MTA3: variants seen among roughly 807,000 people sequenced by gnomAD.
MTA3 encodes the protein metastasis-associated protein MTA3.
A neutral mutation model predicts 83.5 loss-of-function variants in MTA3; 34 were observed. The observed-to-expected ratio is 0.41, with a 90% CI of 0.31 to 0.54. MTA3 has a LOEUF of 0.54. Among genes scored for constraint, MTA3 ranks in the 20% least tolerant of loss-of-function variants. MTA3 has a pLI of 0.33. For missense variants in MTA3, 761 were observed against 726.4 expected, an observed-to-expected ratio of 1.05 and a Z score of -0.55; for synonymous variants, 303 against 252.7, an observed-to-expected ratio of 1.20 and a Z score of -1.89.
intron 16 of MTA3, among the ~76,000 whole-genome samples, chr2:42,749,650 G>T (rs113830106): frequency 0.011 from 1,670 of 151,866 alleles, 26 homozygotes; most frequent in African/African-American, 0.038. Context: ...GTAGTTTTAG[G>T]AGAGACAGGG....
At chr2:42,592,373 C>G (rs756348239) in intron 3 of MTA3, among the ~76,000 whole-genome samples, 1 of 152,086 alleles carries the variant, frequency 6.6e-6, no homozygotes, top group African/African-American at 2.4e-5. Flanking sequence ...CACTTGAGCT[C>G]AGGAGTTTAA....
intron 8 of MTA3, among the ~76,000 whole-genome samples, chr2:42,672,594 G>A (rs1690917202): frequency 1.5e-5 from 2 of 130,082 alleles, no homozygotes; most frequent in South Asian, 2.5e-4. Context: ...GCGGTGAGCC[G>A]AGATCGTGCC....
chr2:42,494,274 G>C (rs1359971035), upstream of MTA3, among the ~76,000 whole-genome samples: 1 of 152,112 alleles, frequency 6.6e-6, no homozygotes, highest in Admixed American at 6.5e-5. Context: ...GCGCCGGGAT[G>C]CCTGCTCCCG....
chr2:42,724,278 AC>A (rs1386026289), intron 16 of MTA3, among the ~76,000 whole-genome samples: 2 of 51,348 alleles, frequency 3.9e-5, no homozygotes, highest in East Asian at 9.9e-4. Flanking sequence ...GTCCTGAAAA[AC>A]ACACACACAC....
chr2:42,674,058 A>G (rs1354123777), intron 8 of MTA3, among the ~76,000 whole-genome samples: 1 of 152,250 alleles, frequency 6.6e-6, no homozygotes, highest in Non-Finnish European at 1.5e-5. Context: ...GTAGGTGCCA[A>G]GCTATAGGTT....
At chr2:42,629,315 GTGATTCACC>G (rs1686443622) in intron 4 of MTA3, among the ~76,000 whole-genome samples, 1 of 152,136 alleles carries the variant, frequency 6.6e-6, no homozygotes, top group South Asian at 2.1e-4. Flanking sequence ...TCCTGACCTT[GTGATTCACC>G]TGCCTCGGCC....
At chr2:42,657,767 A>T (rs1268550605) in intron 7 of MTA3, among the ~76,000 whole-genome samples, 61 of 12,022 alleles carry the variant, frequency 5.1e-3, no homozygotes, top group African/African-American at 0.026. Context: ...ATCTCTTAAA[A>T]AAAAAAAAAA....
intron 6 of MTA3, among the ~76,000 whole-genome samples, chr2:42,654,394 C>T (rs10195899): frequency 0.75 from 113,952 of 152,152 alleles, 42,895 homozygotes; most frequent in South Asian, 0.88. Context: ...CCTAATGTTA[C>T]AGATGCAGTG....
chr2:42,583,121 C>T (rs566306298), intron 3 of MTA3, among the ~76,000 whole-genome samples: 1 of 152,222 alleles, frequency 6.6e-6, no homozygotes, highest in South Asian at 2.1e-4. Context: ...AGGATTATGA[C>T]ATAAGGAACA....
chr2:42,740,905 G>C (rs1668981353), intron 16 of MTA3, among the ~76,000 whole-genome samples: 1 of 152,256 alleles, frequency 6.6e-6, no homozygotes, highest in African/African-American at 2.4e-5. Context: ...TAACAAGAGA[G>C]TCAGCCTGTC....
chr2:42,500,355 C>T (rs111530506), intron 2 of MTA3, among the ~76,000 whole-genome samples: 119 of 152,076 alleles, frequency 7.8e-4, no homozygotes, highest in African/African-American at 2.7e-3. Flanking sequence ...GCCGAGATCA[C>T]GCCACTGTAC....
chr2:42,756,819 T>C lies in MTA3; in HGVS notation c.*3420T>C. On this transcript the variant is annotated 3_prime_UTR_variant, in exon 17 of 17. Transcript: ENST00000405094. Reference sequence around the variant, plus strand: ...GAAGCTAACCCAGAGCACGCACCTGTGCTCATGAGTGTTTCCGCAGGATAA... The same window carrying C: ...GAAGCTAACCCAGAGCACGCACCTGCGCTCATGAGTGTTTCCGCAGGATAA... The C allele has an allele frequency of 1.0e-6, 1 of 985,460 alleles. No homozygotes were observed. The highest frequency in any genetic ancestry group is 1.2e-6 in the Non-Finnish European group (1 of 829,946). The allele number at this position is 985,460 out of a possible 1,614,324, so 61.0% of individuals were successfully genotyped here.
At position 42,755,628 on chromosome 2, in the gene MTA3, C is replaced by T; in HGVS notation, c.*2229C>T. On this transcript the variant is annotated 3_prime_UTR_variant, in exon 17 of 17. Coordinates refer to ENST00000405094, the MANE Select transcript of MTA3 (RefSeq NM_001330442.2). ...CTGCCCCCTCGTTCTGACAGAATCC[C>T]CCAGGCAATGGAGGAAGGGTGCCGA... 2 of 985,622 alleles carry T rather than the reference C, an allele frequency of 2.0e-6. No homozygotes were observed. Among genetic ancestry groups the T allele is most frequent in the Non-Finnish European group, 2.4e-6 (2 of 830,064 alleles). 61.1% of individuals were successfully genotyped at this position (985,622 alleles called of 1,614,324 possible).
At chr2:42,661,520 AAAAAAAAAG>A (rs1470930269) in intron 8 of MTA3, among the ~76,000 whole-genome samples, 1 of 147,816 alleles carries the variant, frequency 6.8e-6, no homozygotes, top group African/African-American at 2.5e-5. Flanking sequence ...AAAAAAAAAA[AAAAAAAAAG>A]AAAAAGATAT....
intron 2 of MTA3, among the ~76,000 whole-genome samples, chr2:42,524,472 GTTTTTTTT>G (rs58288129): frequency 2.7e-4 from 19 of 70,666 alleles, no homozygotes; most frequent in African/African-American, 9.7e-4. Context: ...GGCTAGTTGT[GTTTTTTTT>G]TTTTTTTTTT....
chr2:42,559,608 G>T (rs899691725), intron 2 of MTA3, among the ~76,000 whole-genome samples: 3 of 151,896 alleles, frequency 2.0e-5, no homozygotes, highest in Non-Finnish European at 2.9e-5. Flanking sequence ...GCCAGGCGCA[G>T]TGGCTCACGC....
In MTA3 at chr2:42,709,302, A is replaced by C. The variant is rs1394381943; in HGVS notation, c.1525+206A>C. The C allele has an allele frequency of 7.8e-6, 11 of 1,402,408 alleles. No homozygotes were observed. The African/African-American group carries it at 1.5e-4, about 19-fold the overall frequency. 86.9% of individuals were successfully genotyped at this position (1,402,408 alleles called of 1,614,324 possible). Reference sequence around the variant, plus strand: ...TGGAAAAAAAAAATCAAAACATTGAAACTTCTGTACTCTTTACCAGAGAGT... The same window carrying C: ...TGGAAAAAAAAAATCAAAACATTGACACTTCTGTACTCTTTACCAGAGAGT... On this transcript the variant is annotated intron_variant, in intron 14 of 16. Coordinates refer to ENST00000405094, the MANE Select transcript of MTA3 (RefSeq NM_001330442.2).
intron 16 of MTA3, among the ~76,000 whole-genome samples, chr2:42,741,809 A>G (rs1385214970): frequency 6.6e-6 from 1 of 152,208 alleles, no homozygotes; most frequent in Non-Finnish European, 1.5e-5. Flanking sequence ...TTACAGATCA[A>G]CATAACAGAT....
chr2:42,538,102 G>A lies in MTA3; in HGVS notation c.-140-32335G>A, dbSNP rs192336718. ...CAAAAAATCAGACAGGTATGGTGGC[G>A]GGCACCTGTAGTCCCAGCTACTCAG... On this transcript the variant is annotated intron_variant, in intron 2 of 17. Coordinates refer to the MTA3 transcript ENST00000405592. 5.7e-3 allele frequency among the ~76,000 whole-genome samples: 871 copies of A among 152,068 alleles called. 10 individuals carry two copies. The highest frequency in any genetic ancestry group is 6.8e-3 in the Middle Eastern group (2 of 294).
Sources: gnomAD v4.1 joint callset for allele counts (sites outside exome capture counted in the v4.1 genomes callset) on GRCh38, gnomAD v4.1.1 for gene constraint, MANE v1.5 for transcripts, NCBI Gene and HGNC (gene_info 2026-07-23, HGNC 2026-07-21) for gene names.